The following APPL2 variants were observed in gnomAD, a reference collection of about 807,000 sequenced individuals.
APPL2 encodes adaptor protein, phosphotyrosine interacting with PH domain and leucine zipper 2, also known as DCC-interacting protein 13-beta.
A neutral mutation model predicts 92.7 loss-of-function variants in APPL2; 84 were observed. That is an observed-to-expected ratio of 0.91 (90% CI 0.76 to 1.09). APPL2 has a LOEUF of 1.09. Among genes scored for constraint, APPL2 ranks in the 50% least tolerant of loss-of-function variants. The probability of loss-of-function intolerance (pLI) is 0.00; values close to 1 mark genes in which losing one functional copy is unlikely to be tolerated. For missense variants in APPL2, 736 were observed against 824.5 expected, an observed-to-expected ratio of 0.89 and a Z score of 1.31; for synonymous variants, 291 against 291.0, an observed-to-expected ratio of 1.00 and a Z score of 0.00.
At chr12:105,220,780 C>T (rs943216625) in intron 2 of APPL2, among the ~76,000 whole-genome samples, 1 of 152,230 alleles carries the variant, frequency 6.6e-6, no homozygotes, top group Non-Finnish European at 1.5e-5. Flanking sequence ...GGAGAGCACT[C>T]ATGTGCCACT....
At chr12:105,230,936 TTG>T (rs1165143550) in intron 1 of APPL2, among the ~76,000 whole-genome samples, 1 of 152,250 alleles carries the variant, frequency 6.6e-6, no homozygotes, top group Admixed American at 6.5e-5. Flanking sequence ...AGTGTATAAT[TTG>T]TGTTAGAAGA....
At position 105,208,021 on chromosome 12, in the gene APPL2, G is replaced by A; in HGVS notation, c.424C>T (p.Leu142Phe). ...AGCCTGCTGTATTTTGCCATTGAGA[G>A]GTCATGCTCTAAAAATAAACAGACA... Reference protein sequence around the residue: ...LFGLASNEHDLSMAKYSRLPK... With the variant: ...LFGLASNEHDFSMAKYSRLPK... Residue 142 changes from leucine (L) to phenylalanine (F), a missense_variant, in exon 7 of 21, where the codon CTC (leucine) becomes TTC (phenylalanine). Coordinates refer to ENST00000258530, the MANE Select transcript of APPL2 (RefSeq NM_018171.5). 3.7e-6 allele frequency: 6 copies of A among 1,614,156 alleles called. No individual in the cohort carries two copies. Among genetic ancestry groups the A allele is most frequent in the Non-Finnish European group, 5.1e-6 (6 of 1,180,002 alleles).
At chr12:105,203,011 ACACACACACACACACACACACACACAC>A (rs1888352768) in intron 9 of APPL2, among the ~76,000 whole-genome samples, 1 of 416 alleles carries the variant, frequency 2.4e-3, no homozygotes, top group Non-Finnish European at 9.4e-3. Flanking sequence ...TTTGTCAACT[ACACACACACACACACACACACACACAC>A]ACACACACAC....
intron 2 of APPL2, among the ~76,000 whole-genome samples, chr12:105,221,204 G>A (rs1417785838): frequency 6.6e-6 from 1 of 152,182 alleles, no homozygotes; most frequent in Non-Finnish European, 1.5e-5. Context: ...CTCTACAACA[G>A]GACTTGCAAA....
In APPL2 at chr12:105,216,919, C is replaced by CT. The variant is rs1303036195; in HGVS notation, c.285+149dup. 4.9e-5 allele frequency: 29 copies of CT among 595,692 alleles called. No homozygotes were observed. In the Admixed American group the frequency reaches 7.2e-4, roughly 15 times the overall value. 36.9% of individuals were successfully genotyped at this position (595,692 alleles called of 1,614,324 possible). A position where few individuals can be genotyped will look rare whatever the true frequency, so the allele number is the denominator to read the frequency against. ...AACATTAATAGTTAGTGTATAACCT[C>CT]TCCTAGGAAAGGAGCTTTGTAAGAT... On this transcript the variant is annotated intron_variant, in intron 4 of 20. Coordinates refer to ENST00000258530, the MANE Select transcript of APPL2 (RefSeq NM_018171.5).
intron 14 of APPL2, among the ~76,000 whole-genome samples, chr12:105,193,696 T>C (rs1017820170): frequency 1.3e-5 from 2 of 152,222 alleles, no homozygotes; most frequent in Non-Finnish European, 2.9e-5. Context: ...GAAATGTTTC[T>C]CGGACTTGTT....
intron 14 of APPL2, among the ~76,000 whole-genome samples, chr12:105,194,494 C>G (rs927664264): frequency 1.3e-5 from 2 of 152,102 alleles, no homozygotes; most frequent in Non-Finnish European, 2.9e-5. Context: ...AGTTCAAGAC[C>G]AGCCTGGCTA....
At chr12:105,223,390 A>G (rs552033776) in intron 2 of APPL2, among the ~76,000 whole-genome samples, 2 of 152,358 alleles carry the variant, frequency 1.3e-5, no homozygotes, top group Admixed American at 6.5e-5. Context: ...CAGACTCGCC[A>G]GAGAAGGATT....
chr12:105,177,174 C>A, intron 18 of APPL2, 52 bp downstream of exon 18: 1 of 1,605,480 alleles, frequency 6.2e-7, no homozygotes. Flanking sequence ...AAGGTAGATA[C>A]AAAGGTGAAT....
chr12:105,212,804 C>T (rs553054740), intron 4 of APPL2, among the ~76,000 whole-genome samples: 3 of 152,334 alleles, frequency 2.0e-5, no homozygotes, highest in East Asian at 3.9e-4. Flanking sequence ...TCTGGTCCTT[C>T]GAGGCTGTGG....
At chr12:105,182,762 T>C (rs566444572) in intron 17 of APPL2, among the ~76,000 whole-genome samples, 2 of 152,322 alleles carry the variant, frequency 1.3e-5, no homozygotes, top group South Asian at 4.1e-4. Context: ...TCTGTAGATG[T>C]GTGTTAGTTC....
chr12:105,190,872 G>A (rs1887136338), intron 14 of APPL2, among the ~76,000 whole-genome samples: 1 of 152,168 alleles, frequency 6.6e-6, no homozygotes, highest in South Asian at 2.1e-4. Flanking sequence ...GACTAATCAG[G>A]AACCAACATG....
chr12:105,214,047 T>C (rs1889440230), intron 4 of APPL2, among the ~76,000 whole-genome samples: 1 of 151,896 alleles, frequency 6.6e-6, no homozygotes, highest in South Asian at 2.1e-4. Flanking sequence ...TGGCCGGGCG[T>C]GGTGGTGCAT....
At position 105,178,613 on chromosome 12, in the gene APPL2, T is replaced by TA. The variant is rs1042503621; in HGVS notation, c.1635-1352dup. 2.0e-5 allele frequency among the ~76,000 whole-genome samples: 3 copies of TA among 152,286 alleles called. No individual in the cohort carries two copies. In the East Asian group the frequency reaches 5.8e-4, roughly 29 times the overall value. ...GTTACACTTATTAAACCGTAAGACTTATAATCAGAGAACTCGAGATTGAGT... is the reference window on the plus strand; with the variant it reads ...GTTACACTTATTAAACCGTAAGACTTAATAATCAGAGAACTCGAGATTGAGT... On this transcript the variant is annotated intron_variant, in intron 17 of 20. Coordinates refer to ENST00000258530, the MANE Select transcript of APPL2 (RefSeq NM_018171.5).
Position 105,233,180 on chromosome 12 carries a change from C to G in APPL2, c.54+2779G>C, listed in dbSNP as rs547640907. 12 of 985,458 alleles carry G rather than the reference C, an allele frequency of 1.2e-5. No individual in the cohort carries two copies. The East Asian group carries it at 1.4e-3, about 112-fold the overall frequency. 61.0% of individuals were successfully genotyped at this position (985,458 alleles called of 1,614,324 possible). A position where few individuals can be genotyped will look rare whatever the true frequency, so the allele number is the denominator to read the frequency against. ...CTATCGCAGCAGGATTCACACTGTA[C>G]TGGAACTGTTGCCTCATTATCTGTC... On this transcript the variant is annotated intron_variant, in intron 1 of 20. Transcript: ENST00000258530.
In APPL2 at chr12:105,197,924, T is replaced by C. The variant is rs531059218; in HGVS notation, c.893A>G (p.Glu298Gly). 7.4e-6 allele frequency: 12 copies of C among 1,613,960 alleles called. No individual in the cohort carries two copies. In the Admixed American group the frequency reaches 8.3e-5, roughly 11 times the overall value. ...NKTGLVTTTW[E>G]RLYFFTQGGN... ...GCCTTGGGTGAAGAAATAAAGCCTC[T>C]CCCAGGTGGTGGTGACCAGCCCTGT... Residue 298 changes from glutamate to glycine, a missense_variant, in exon 11 of 21, where the codon GAG becomes GGG. By Grantham distance (98) the Glu-to-Gly change is moderately conservative. Coordinates refer to ENST00000258530, the MANE Select transcript of APPL2 (RefSeq NM_018171.5).
chr12:105,197,843 A>G lies in APPL2; in HGVS notation c.974T>C (p.Leu325Pro). 1 of 1,614,226 alleles carries G rather than the reference A, an allele frequency of 6.2e-7. No individual in the cohort carries two copies. The highest frequency in any genetic ancestry group is 1.1e-5 in the South Asian group (1 of 91,084). The change falls in exon 11 of 21, where the codon CTG (leucine) becomes CCG (proline). Residue 325 changes from leucine (L) to proline (P), a missense_variant. Leu to Pro is a moderately conservative substitution (Grantham distance 98, BLOSUM62 -3). Transcript: ENST00000258530. The stretch of plus-strand genomic sequence containing the variant: ...CACGGCCATCACTGAGCAGTTGTCC[A>G]GGTCCTGGATCAAACCTCCAGCCAC... ...GAVAGGLIQD[L>P]DNCSVMAVDC...
chr12:105,203,848 A>G (rs1302673321), intron 8 of APPL2, 63 bp from the exon 9 acceptor site: 13 of 1,422,034 alleles, frequency 9.1e-6, no homozygotes, highest in Non-Finnish European at 1.3e-5. Context: ...AACTCACTGA[A>G]GGTGAGACAG....
At chr12:105,211,043 GC>G (rs1207361563) in intron 5 of APPL2, among the ~76,000 whole-genome samples, 186 bp downstream of exon 5, 4 of 152,138 alleles carry the variant, frequency 2.6e-5, no homozygotes. Flanking sequence ...CTTCTCACTG[GC>G]CTGTGATCTC....
Sources: allele counts gnomAD v4.1 joint callset (sites outside exome capture counted in the v4.1 genomes callset), GRCh38; gene constraint gnomAD v4.1.1; transcripts MANE v1.5; gene names NCBI Gene and HGNC (gene_info 2026-07-23, HGNC 2026-07-21).